The following PITRM1 variants were observed in gnomAD, a reference collection of about 807,000 sequenced individuals.
The protein encoded by PITRM1 is presequence protease, mitochondrial.
A neutral mutation model predicts 129.9 loss-of-function variants in PITRM1; 100 were observed. The observed-to-expected ratio is 0.77, with a 90% CI of 0.65 to 0.91. The LOEUF is 0.91. Among genes scored for constraint, PITRM1 ranks in the 40% least tolerant of loss-of-function variants. The pLI, the probability that PITRM1 is intolerant of heterozygous loss-of-function variation, is 0.00. For missense variants in PITRM1, 1,471 were observed against 1,318.3 expected (o/e 1.12, Z -1.79); for synonymous variants, 591 against 508.8 (o/e 1.16, Z -2.17).
chr10:3,138,880 T>G (rs1839892526), intron 25 of PITRM1, 24 bp downstream of exon 25: 1 of 1,611,942 alleles, frequency 6.2e-7, no homozygotes, highest in African/African-American at 1.3e-5. Flanking sequence ...TGGGTTGAGA[T>G]TCTCACTGTT....
intron 2 of PITRM1, among the ~76,000 whole-genome samples, chr10:3,168,413 T>C (rs1208966525): frequency 2.0e-5 from 3 of 151,990 alleles, no homozygotes; most frequent in East Asian, 1.9e-4. Flanking sequence ...TCATGACTTA[T>C]CGTAAGTTTC....
At chr10:3,138,637 A>C in intron 25 of PITRM1, 3 of 612,292 alleles carry the variant, frequency 4.9e-6, no homozygotes, top group Non-Finnish European at 8.8e-6. Context: ...GGCCGTGCCC[A>C]CGTCCTCCTT....
intron 13 of PITRM1, 145 bp from the exon 14 acceptor site, chr10:3,155,874 A>T: frequency 1.1e-6 from 1 of 918,482 alleles, no homozygotes; most frequent in South Asian, 1.8e-5. Context: ...ACGCACCTCA[A>T]GAGTTGTTTT....
At chr10:3,169,670 T>C (rs922117169) in intron 2 of PITRM1, among the ~76,000 whole-genome samples, 30 of 152,204 alleles carry the variant, frequency 2.0e-4, no homozygotes, top group South Asian at 1.0e-3. Flanking sequence ...AGGTCCACAA[T>C]TGCTTCTTTA....
intron 10 of PITRM1, 57 bp from the exon 11 acceptor site, chr10:3,158,210 C>T (rs916492567): frequency 3.1e-5 from 29 of 924,120 alleles, no homozygotes; most frequent in Middle Eastern, 2.1e-4. Context: ...ATCATGCCCT[C>T]GTAATATGCT....
At position 3,172,701 on chromosome 10, in the gene PITRM1, C is replaced by A. The variant is rs369304200; in HGVS notation, c.56+16G>T. On this transcript the variant is annotated intron_variant, in intron 1 of 26. Coordinates refer to ENST00000224949, the MANE Select transcript of PITRM1 (RefSeq NM_014889.4). ...GGGTACCAGCGCGCCGAGCGCCTCCCGTCGCAGCGTCTCACCCGCCGCTCA... is the reference window on the plus strand; with the variant it reads ...GGGTACCAGCGCGCCGAGCGCCTCCAGTCGCAGCGTCTCACCCGCCGCTCA... 8.5e-6 allele frequency: 13 copies of A among 1,534,602 alleles called. No individual in the cohort carries two copies. Among genetic ancestry groups the A allele is most frequent in the African/African-American group, 1.4e-5 (1 of 71,626 alleles).
rs1564394737 is a variant in PITRM1, at chr10:3,145,580, CACCACCAGT to C, written c.2457+7_2457+15del. The C allele has an allele frequency of 2.6e-6, 4 of 1,548,166 alleles. No individual in the cohort carries two copies. The South Asian group carries it at 3.6e-5, about 14-fold the overall frequency. ...CCACCAGGCGCTCACCGGGCGCCAG[CACCACCAGT>C]GCATACCTCGACCGTGTGTGGGCGC... On this transcript the variant is annotated splice_region_variant and intron_variant, in intron 21 of 26. Coordinates refer to ENST00000224949, the MANE Select transcript of PITRM1 (RefSeq NM_014889.4).
intron 1 of PITRM1, among the ~76,000 whole-genome samples, chr10:3,170,626 T>C (rs1214309992): frequency 1.3e-5 from 2 of 152,152 alleles, no homozygotes; most frequent in South Asian, 2.1e-4. Context: ...AAGCCTAATA[T>C]TACCGGGAAC....
rs776910750 is a variant in PITRM1, at chr10:3,143,389, C to T, written c.2645G>A (p.Ser882Asn). 2 of 1,592,038 alleles carry T rather than the reference C, an allele frequency of 1.3e-6. No homozygotes were observed. Among genetic ancestry groups the T allele is most frequent in the Admixed American group, 1.7e-5 (1 of 60,000 alleles). ...GAGGTCCCGACCTACACCCTCCTAC[C>T]TGGCATGATCTGGGTCCGTGTAGGG... ...TVPYTDPDHA[S>N]LKILARLMTA... is the part of the protein sequence containing the mutation. The change falls in exon 23 of 27, where the codon AGT becomes AAT. Residue 882 changes from serine (S) to asparagine (N), a missense_variant and splice_region_variant. By Grantham distance (46) the Ser-to-Asn change is conservative (BLOSUM62 1). Coordinates refer to ENST00000224949, the MANE Select transcript of PITRM1 (RefSeq NM_014889.4).
intron 14 of PITRM1, 36 bp from the exon 15 acceptor site, chr10:3,151,399 C>T (rs1265574531): frequency 8.0e-7 from 1 of 1,253,620 alleles, no homozygotes; most frequent in Non-Finnish European, 1.2e-6. Context: ...TATTCAGGGC[C>T]ATAATTAAAA....
rs1254517545 is a variant in PITRM1 at position 3,172,722 on chromosome 10, G to A, written c.51C>T (p.Ser17=). 7 of 1,541,218 alleles carry A rather than the reference G, an allele frequency of 4.5e-6. No homozygotes were observed. The highest frequency in any genetic ancestry group is 2.5e-5 in the East Asian group (1 of 40,496). The change falls in exon 1 of 27, where the codon AGC becomes AGT. Residue 17 remains serine, a synonymous_variant. Coordinates refer to ENST00000224949, the MANE Select transcript of PITRM1 (RefSeq NM_014889.4). ...CTCCCGTCGCAGCGTCTCACCCGCC[G>A]CTCAGCCGCCTCAGCACACACAGGC... is the stretch of plus-strand genomic sequence containing the variant. ...RQGLCVLRRL[S]GGHAHHRAWR... is the part of the protein sequence containing the mutation.
Position 3,147,640 on chromosome 10 carries a change from A to T in PITRM1, c.2167T>A (p.Ser723Thr), listed in dbSNP as rs1439196756. 2 of 1,613,970 alleles carry T rather than the reference A, an allele frequency of 1.2e-6. No individual in the cohort carries two copies. Among genetic ancestry groups the T allele is most frequent in the South Asian group, 1.1e-5 (1 of 91,078 alleles). Residue 723 changes from serine to threonine, a missense_variant, in exon 19 of 27, where the codon TCC becomes ACC. Transcript: ENST00000224949. ...GIPDSGHLYA[S>T]IRAGRTLTPA... is the part of the protein sequence containing the mutation. ...GTGAGGGTCCGGCCTGCCCTGATGG[A>T]TGCGTACAGGTGCCCAGAGTCAGGA...
At chr10:3,154,341 G>T (rs1841786898) in intron 14 of PITRM1, among the ~76,000 whole-genome samples, 1 of 152,326 alleles carries the variant, frequency 6.6e-6, no homozygotes, top group South Asian at 2.1e-4. Context: ...GGCTTTCCTG[G>T]TCCGTGCATG....
intron 4 of PITRM1, among the ~76,000 whole-genome samples, chr10:3,165,783 C>T (rs1484375037): frequency 6.6e-6 from 1 of 152,206 alleles, no homozygotes; most frequent in Non-Finnish European, 1.5e-5. Flanking sequence ...TCTAAACTCT[C>T]TCAAGTTTCT....
In PITRM1 at chr10:3,145,634, T is replaced by C. The variant is rs368975326; in HGVS notation, c.2419A>G (p.Lys807Glu). 1 of 1,550,204 alleles carries C rather than the reference T, an allele frequency of 6.5e-7. No homozygotes were observed. Among genetic ancestry groups the C allele is most frequent in the Non-Finnish European group, 8.7e-7 (1 of 1,147,026 alleles). ...EDFLRSIGRS[K>E]KERRPVRPHT... Reference sequence around the variant, plus strand: ...GGGCGCACAGGCCTCCGTTCCTTTTTACTCCGACCGATGCTTCTAAGGAAG... The same window carrying C: ...GGGCGCACAGGCCTCCGTTCCTTTTCACTCCGACCGATGCTTCTAAGGAAG... Residue 807 changes from lysine (K) to glutamate (E), a missense_variant, in exon 21 of 27, where the codon AAA becomes GAA. Lys to Glu is a moderately conservative substitution (Grantham distance 56, BLOSUM62 1). Coordinates refer to ENST00000224949, the MANE Select transcript of PITRM1 (RefSeq NM_014889.4).
chr10:3,147,773 C>G (rs1345594479), intron 18 of PITRM1, 36 bp from the exon 19 acceptor site: 2 of 1,530,454 alleles, frequency 1.3e-6, no homozygotes, highest in Non-Finnish European at 1.8e-6. Context: ...TCCTGGAGAC[C>G]CATTCCTCAC....
At chr10:3,153,478 G>A (rs1841695273) in intron 14 of PITRM1, among the ~76,000 whole-genome samples, 1 of 152,124 alleles carries the variant, frequency 6.6e-6, no homozygotes, top group Non-Finnish European at 1.5e-5. Flanking sequence ...AATCAGCTGG[G>A]CGTGGTGGTG....
intron 23 of PITRM1, 109 bp downstream of exon 23, chr10:3,143,280 G>T: frequency 1.4e-6 from 1 of 698,010 alleles, no homozygotes. Flanking sequence ...AACACTCAGA[G>T]TCAGCACAGA....
In PITRM1 at chr10:3,158,961, T is replaced by A; in HGVS notation, c.1089A>T (p.Lys363Asn). ...TGCCAAGGCCAGATTCAATCAAGGCTTTGTAAAAGGGAGAATTGGGCCCAG... is the reference window on the plus strand; with the variant it reads ...TGCCAAGGCCAGATTCAATCAAGGCATTGTAAAAGGGAGAATTGGGCCCAG... ...LTSGPNSPFY[K>N]ALIESGLGTD... is the part of the protein sequence containing the mutation. The change falls in exon 10 of 27, where the codon AAA becomes AAT. Residue 363 changes from lysine (K) to asparagine (N), a missense_variant. Transcript: ENST00000224949. 6.2e-7 allele frequency: 1 copy of A among 1,613,616 alleles called. No homozygotes were observed. Among genetic ancestry groups the A allele is most frequent in the Non-Finnish European group, 8.5e-7 (1 of 1,179,774 alleles).
Sources: gnomAD v4.1 joint callset for allele counts (sites outside exome capture counted in the v4.1 genomes callset) on GRCh38, gnomAD v4.1.1 for gene constraint, MANE v1.5 for transcripts, NCBI Gene and HGNC (gene_info 2026-07-23, HGNC 2026-07-21) for gene names.